The following SRGAP1 variants were observed in gnomAD, a reference collection of about 807,000 sequenced individuals.
SRGAP1 encodes the protein SLIT-ROBO Rho GTPase-activating protein 1.
Under a neutral mutation model 121.9 loss-of-function variants are expected in SRGAP1, and 43 were observed. That is an observed-to-expected ratio of 0.35 (90% CI 0.28 to 0.46). The LOEUF (loss-of-function observed/expected upper bound fraction) is 0.46, where lower values mean the gene tolerates loss of function less well. SRGAP1 is among the 20% of genes least tolerant of loss of function. SRGAP1 has a pLI of 1.00. For missense variants in SRGAP1, 1,102 were observed against 1,350.9 expected (o/e 0.82, Z 2.89); for synonymous variants, 447 against 485.4 (o/e 0.92, Z 1.04).
intron 3 of SRGAP1, among the ~76,000 whole-genome samples, chr12:64,007,061 C>T (rs2034106900): frequency 6.6e-6 from 1 of 152,154 alleles, no homozygotes; most frequent in Non-Finnish European, 1.5e-5. Flanking sequence ...TTACAAGTTA[C>T]TGAGTGGCCT....
rs957049187 is a variant in SRGAP1 at position 64,114,331 on chromosome 12, CTTT to C, written c.2145-1459_2145-1457del. ...AGGCCAGTACCAAAGATATGGTTAG[CTTT>C]TTTTTTTTTTTTTTTTTTTTTTTGG... On this transcript the variant is annotated intron_variant, in intron 17 of 21. Coordinates refer to ENST00000355086, the MANE Select transcript of SRGAP1 (RefSeq NM_020762.4). Among the ~76,000 whole-genome samples, 668 of 89,128 alleles carry C rather than the reference CTTT, an allele frequency of 7.5e-3. 2 individuals are homozygous for C. Among genetic ancestry groups the C allele is most frequent in the African/African-American group, 0.031 (636 of 20,828 alleles). The allele number at this position is 89,128 out of a possible 152,430, so 58.5% of individuals were successfully genotyped here.
chr12:64,069,009 C>A (rs1309828049), intron 8 of SRGAP1, among the ~76,000 whole-genome samples: 171 of 141,032 alleles, frequency 1.2e-3, no homozygotes, highest in Middle Eastern at 3.7e-3. Context: ...GACTCTGTCT[C>A]AAAAAAAAAA....
At chr12:64,021,082 G>A (rs74097517) in intron 4 of SRGAP1, among the ~76,000 whole-genome samples, 5,245 of 152,170 alleles carry the variant, frequency 0.034, 308 homozygotes, top group African/African-American at 0.12. Context: ...TAGAATTCAA[G>A]ATGATTGCTA....
chr12:64,001,087 T>G (rs1209999100), intron 3 of SRGAP1, among the ~76,000 whole-genome samples: 1 of 152,110 alleles, frequency 6.6e-6, no homozygotes, highest in Non-Finnish European at 1.5e-5. Context: ...CACGTAGTAC[T>G]TTCGAGCCTC....
At position 64,017,078 on chromosome 12, in the gene SRGAP1, G is replaced by T; in HGVS notation, c.489+66G>T. 4.3e-6 allele frequency: 4 copies of T among 920,086 alleles called. No homozygotes were observed. The South Asian group carries it at 4.8e-5, about 11-fold the overall frequency. 57.0% of individuals were successfully genotyped at this position (920,086 alleles called of 1,614,324 possible). Reference sequence around the variant, plus strand: ...TAGAATTCTGGTTTGTAAAAACACTGCTCATTGTAGTATTCATTCCAAGCC... The same window carrying T: ...TAGAATTCTGGTTTGTAAAAACACTTCTCATTGTAGTATTCATTCCAAGCC... On this transcript the variant is annotated intron_variant, in intron 4 of 21. Coordinates refer to ENST00000355086, the MANE Select transcript of SRGAP1 (RefSeq NM_020762.4).
chr12:64,123,379 C>T (rs182319519), intron 18 of SRGAP1, among the ~76,000 whole-genome samples: 1 of 152,190 alleles, frequency 6.6e-6, no homozygotes, highest in Non-Finnish European at 1.5e-5. Context: ...TTCATTCTTC[C>T]ATGGGGTGTT....
chr12:64,021,605 C>T (rs2034551764), intron 4 of SRGAP1, among the ~76,000 whole-genome samples: 1 of 152,170 alleles, frequency 6.6e-6, no homozygotes, highest in Non-Finnish European at 1.5e-5. Flanking sequence ...CCTTTACTGT[C>T]ATTTTTATCT....
intron 6 of SRGAP1, among the ~76,000 whole-genome samples, chr12:64,045,265 T>C (rs1309572555): frequency 6.6e-6 from 1 of 152,172 alleles, no homozygotes; most frequent in Non-Finnish European, 1.5e-5. Flanking sequence ...ATAAAAGATT[T>C]TATTTTAGTT....
intron 6 of SRGAP1, 63 bp from the exon 7 acceptor site, chr12:64,062,854 A>T: frequency 7.6e-7 from 1 of 1,314,918 alleles, no homozygotes; most frequent in Non-Finnish European, 1.1e-6. Flanking sequence ...TGTAGGTCTC[A>T]CATTTTTGTC....
At chr12:63,858,766 G>A (rs546068413) in intron 1 of SRGAP1, among the ~76,000 whole-genome samples, 4 of 152,052 alleles carry the variant, frequency 2.6e-5, no homozygotes, top group African/African-American at 4.8e-5. Flanking sequence ...GTGCAATGGC[G>A]CAATCTGCTC....
chr12:63,927,307 T>G (rs2031296324), intron 1 of SRGAP1, among the ~76,000 whole-genome samples: 1 of 152,206 alleles, frequency 6.6e-6, no homozygotes, highest in Non-Finnish European at 1.5e-5. Flanking sequence ...AGACTATGAC[T>G]GTACCCCTGG....
rs1308928261 is a variant in SRGAP1 at position 63,902,807 on chromosome 12, A to G, written c.67+57924A>G. ...TTTTTGTCACATTTGCTCATTTCCT[A>G]GGGTTATAGCAACCTCAGTCTTCCT... On this transcript the variant is annotated intron_variant, in intron 1 of 21. Transcript: ENST00000355086. Among the ~76,000 whole-genome samples the G allele has an allele frequency of 3.9e-5, 6 of 152,172 alleles. No individual in the cohort carries two copies. In the East Asian group the frequency reaches 1.2e-3, roughly 29 times the overall value.
chr12:64,074,073 A>G (rs1042670488), intron 8 of SRGAP1, among the ~76,000 whole-genome samples: 2 of 152,206 alleles, frequency 1.3e-5, no homozygotes, highest in African/African-American at 2.4e-5. Context: ...CTCCAGAGCA[A>G]AAGAAGCTGT....
At chr12:64,128,916 A>T (rs936769630) in intron 21 of SRGAP1, among the ~76,000 whole-genome samples, 2 of 152,138 alleles carry the variant, frequency 1.3e-5, no homozygotes, top group African/African-American at 4.8e-5. Flanking sequence ...TTTGCCCATC[A>T]TTCTACCATT....
chr12:64,040,341 C>A (rs547434338), intron 4 of SRGAP1, among the ~76,000 whole-genome samples: 13 of 152,208 alleles, frequency 8.5e-5, no homozygotes, highest in African/African-American at 3.1e-4. Flanking sequence ...ACTTCTTAGA[C>A]CTTAGTTATA....
intron 1 of SRGAP1, among the ~76,000 whole-genome samples, chr12:63,857,166 G>A (rs1433949148): frequency 1.3e-5 from 2 of 150,350 alleles, no homozygotes; most frequent in Non-Finnish European, 3.0e-5. Flanking sequence ...TGCAACCTCC[G>A]CCTCCTGGGT....
intron 15 of SRGAP1, among the ~76,000 whole-genome samples, chr12:64,106,507 A>C (rs1318139847): frequency 6.6e-6 from 1 of 152,210 alleles, no homozygotes; most frequent in Non-Finnish European, 1.5e-5. Context: ...ATGACTTGCA[A>C]ATTACTTCAT....
intron 1 of SRGAP1, among the ~76,000 whole-genome samples, chr12:63,849,768 C>G (rs975712690): frequency 2.0e-5 from 3 of 152,156 alleles, no homozygotes. Context: ...TTCTCCAACC[C>G]ACTCATTACA....
At chr12:63,985,015 CAAA>C (rs34037288) in intron 2 of SRGAP1, among the ~76,000 whole-genome samples, 12 of 108,824 alleles carry the variant, frequency 1.1e-4, no homozygotes, top group Non-Finnish European at 1.5e-4. Flanking sequence ...GAGTCCATCT[CAAA>C]AAAAAAAAAA....
Sources: allele counts gnomAD v4.1 joint callset (sites outside exome capture counted in the v4.1 genomes callset), GRCh38; gene constraint gnomAD v4.1.1; transcripts MANE v1.5; gene names NCBI Gene and HGNC (gene_info 2026-07-23, HGNC 2026-07-21).